The following FARP1 variants were observed in gnomAD, a reference collection of about 807,000 sequenced individuals.
FARP1 encodes FERM, ARH/RhoGEF and pleckstrin domain protein 1.
A neutral mutation model predicts 128.8 loss-of-function variants in FARP1; 52 were observed. That is an observed-to-expected ratio of 0.40 (90% CI 0.32 to 0.51). The LOEUF (loss-of-function observed/expected upper bound fraction) is 0.51. FARP1 is among the 20% of genes least tolerant of loss of function. FARP1 has a pLI of 0.45. For missense variants in FARP1, 1,333 were observed against 1,367.9 expected, an observed-to-expected ratio of 0.97 and a Z score of 0.40; for synonymous variants, 580 against 551.8, an observed-to-expected ratio of 1.05 and a Z score of -0.72.
chr13:98,311,744 C>T (rs1266393642), intron 2 of FARP1, among the ~76,000 whole-genome samples: 1 of 152,042 alleles, frequency 6.6e-6, no homozygotes, highest in African/African-American at 2.4e-5. Flanking sequence ...CTCGTACTTT[C>T]AAAAATAAAC....
intron 4 of FARP1, among the ~76,000 whole-genome samples, chr13:98,366,355 T>C (rs1407037535): frequency 6.6e-6 from 1 of 152,230 alleles, no homozygotes; most frequent in African/African-American, 2.4e-5. Flanking sequence ...CAGTTACTTA[T>C]AATAATTATA....
intron 2 of FARP1, among the ~76,000 whole-genome samples, chr13:98,330,428 G>A (rs1887453353): frequency 1.3e-5 from 2 of 152,088 alleles, no homozygotes; most frequent in African/African-American, 4.8e-5. Context: ...AAGTGACAGA[G>A]GTTAAATGCA....
At chr13:98,412,654 T>G (rs1242201832) in intron 16 of FARP1, among the ~76,000 whole-genome samples, 1 of 152,222 alleles carries the variant, frequency 6.6e-6, no homozygotes, top group Non-Finnish European at 1.5e-5. Context: ...CTTAAGCCTG[T>G]CCATTAAATA....
intron 13 of FARP1, among the ~76,000 whole-genome samples, chr13:98,409,112 T>C (rs1891087764): frequency 1.3e-5 from 2 of 152,202 alleles, no homozygotes. Context: ...TTCTCTATCT[T>C]ATCATTAATT....
At chr13:98,191,598 A>C (rs1446762145) in intron 1 of FARP1, among the ~76,000 whole-genome samples, 1 of 152,190 alleles carries the variant, frequency 6.6e-6, no homozygotes, top group Non-Finnish European at 1.5e-5. Context: ...TTTTATTTTC[A>C]GTATTTCTTT....
At chr13:98,219,998 A>G (rs1043855060) in intron 2 of FARP1, among the ~76,000 whole-genome samples, 1 of 151,656 alleles carries the variant, frequency 6.6e-6, no homozygotes, top group East Asian at 1.9e-4. Flanking sequence ...TCTTTCAGCC[A>G]TCTTAGGGAA....
chr13:98,171,879 C>G (rs1268413533), intron 1 of FARP1, among the ~76,000 whole-genome samples: 1 of 152,172 alleles, frequency 6.6e-6, no homozygotes, highest in East Asian at 1.9e-4. Context: ...CTGAACGTAT[C>G]TGCACACGCG....
At chr13:98,245,138 G>A in intron 2 of FARP1, 1 of 992,710 alleles carries the variant, frequency 1.0e-6, no homozygotes, top group Non-Finnish European at 1.2e-6. Context: ...TGGAATTGCT[G>A]AAGTTTAATT....
intron 26 of FARP1, 61 bp from the exon 27 acceptor site, chr13:98,448,175 A>AC (rs563965295): frequency 7.1e-7 from 1 of 1,415,612 alleles, no homozygotes; most frequent in Non-Finnish European, 1.0e-6. Context: ...AGCGATGCCC[A>AC]CCAAAGTGTC....
chr13:98,251,998 C>T (rs1335135322), intron 2 of FARP1, among the ~76,000 whole-genome samples: 1 of 148,208 alleles, frequency 6.7e-6, no homozygotes, highest in Non-Finnish European at 1.5e-5. Context: ...CAGGATCCTG[C>T]CACCATGCCC....
At chr13:98,238,259 A>G (rs1882552359) in intron 2 of FARP1, among the ~76,000 whole-genome samples, 2 of 152,294 alleles carry the variant, frequency 1.3e-5, no homozygotes, top group South Asian at 4.2e-4. Flanking sequence ...TTGAGACAGC[A>G]AGACCAACCC....
intron 1 of FARP1, among the ~76,000 whole-genome samples, chr13:98,189,418 C>A (rs1454218977): frequency 1.3e-5 from 2 of 151,946 alleles, no homozygotes; most frequent in African/African-American, 2.4e-5. Context: ...GGTATTTTTT[C>A]ATTTTTTGTG....
At chr13:98,431,518 A>G (rs1266451144) in intron 18 of FARP1, 17 of 373,874 alleles carry the variant, frequency 4.5e-5, no homozygotes, top group Admixed American at 2.2e-4. Context: ...CTGGAGTGCA[A>G]TGGTGCGATC....
rs1566335501 is a variant in FARP1, at chr13:98,450,391, C to T, written c.*2074C>T. 1 of 152,194 alleles carries T rather than the reference C, an allele frequency of 6.6e-6. No homozygotes were observed. The allele number at this position is 152,194 out of a possible 1,614,324, so 9.4% of individuals were successfully genotyped here. A position where few individuals can be genotyped will look rare whatever the true frequency, so the allele number is the denominator to read the frequency against. ...GCCAGAGGAAAGGTACAAAATGCTA[C>T]ATACAGAACCAAACCAGCCACTTCA... On this transcript the variant is annotated 3_prime_UTR_variant, in exon 27 of 27. Transcript: ENST00000319562.
chr13:98,259,881 A>ATGTGTGTG, intron 2 of FARP1, among the ~76,000 whole-genome samples: 1 of 18,046 alleles, frequency 5.5e-5, no homozygotes, highest in East Asian at 3.2e-3. Flanking sequence ...GATACCTGAA[A>ATGTGTGTG]AGTGTGTGTG....
intron 11 of FARP1, among the ~76,000 whole-genome samples, chr13:98,392,323 CAAAAAAAAAAAAAAAA>C (rs11289484): frequency 3.3e-5 from 2 of 60,410 alleles, no homozygotes; most frequent in Non-Finnish European, 6.3e-5. Flanking sequence ...CATCTCTACC[CAAAAAAAAAAAAAAAA>C]AAAAAAAAAA....
chr13:98,357,784 T>G (rs766019919), intron 3 of FARP1, among the ~76,000 whole-genome samples: 1 of 152,228 alleles, frequency 6.6e-6, no homozygotes, highest in Admixed American at 6.5e-5. Context: ...AAAAATTGGA[T>G]GTCACATATG....
intron 2 of FARP1, among the ~76,000 whole-genome samples, chr13:98,318,789 T>C (rs1886855670): frequency 6.6e-6 from 1 of 152,194 alleles, no homozygotes. Context: ...CCTCCTGTTG[T>C]AGGCAGTAGG....
At chr13:98,365,507 C>G (rs1889045650) in intron 4 of FARP1, 70 bp downstream of exon 4, 1 of 1,149,584 alleles carries the variant, frequency 8.7e-7, no homozygotes, top group African/African-American at 1.5e-5. Context: ...CTAGACATCT[C>G]TTGCCCTGTG....
Sources: allele counts gnomAD v4.1 joint callset (sites outside exome capture counted in the v4.1 genomes callset), GRCh38; gene constraint gnomAD v4.1.1; transcripts MANE v1.5; gene names NCBI Gene and HGNC (gene_info 2026-07-23, HGNC 2026-07-21).